Variants in ARHGAP10 observed in about 807,000 individuals in gnomAD.
ARHGAP10 encodes rho GTPase-activating protein 10.
A neutral mutation model predicts 108.6 loss-of-function variants in ARHGAP10; 87 were observed. The ratio of observed to expected loss-of-function variants is 0.80; its 90% confidence interval spans 0.67 to 0.96. The LOEUF is 0.96. ARHGAP10 is among the 40% of genes least tolerant of loss of function. The pLI is 0.00. For missense variants in ARHGAP10, 939 were observed against 954.5 expected (o/e 0.98, Z 0.21); for synonymous variants, 347 against 341.1 (o/e 1.02, Z -0.19).
rs777973362 is a variant in ARHGAP10, at chr4:147,866,672, G to GT, written c.598-33dup. On this transcript the variant is annotated intron_variant, in intron 6 of 22. Coordinates refer to ENST00000336498, the MANE Select transcript of ARHGAP10 (RefSeq NM_024605.4). ...TTATATGATTCTTTTTTTCTCCTGA[G>GT]TTTTTTTGTGCTAATATCTCTTTTC... 6 of 1,476,946 alleles carry GT rather than the reference G, an allele frequency of 4.1e-6. No homozygotes were observed. The African/African-American group carries it at 7.0e-5, about 17-fold the overall frequency. The allele number at this position is 1,476,946 out of a possible 1,614,324, so 91.5% of individuals were successfully genotyped here. A position where few individuals can be genotyped will look rare whatever the true frequency, so the allele number is the denominator to read the frequency against.
At chr4:147,855,679 A>G (rs903262969) in intron 4 of ARHGAP10, among the ~76,000 whole-genome samples, 9 of 141,628 alleles carry the variant, frequency 6.4e-5, no homozygotes, top group African/African-American at 1.6e-4. Context: ...ATATTGTCAG[A>G]TGGTTTTTTT....
intron 19 of ARHGAP10, among the ~76,000 whole-genome samples, chr4:148,032,351 T>G (rs1728190480): frequency 1.2e-5 from 1 of 84,030 alleles, no homozygotes; most frequent in African/African-American, 4.6e-5. Flanking sequence ...CCCCCCATAT[T>G]GTAGGCCAAA....
At chr4:147,829,319 C>CT (rs1175639317) in intron 3 of ARHGAP10, among the ~76,000 whole-genome samples, 2 of 152,058 alleles carry the variant, frequency 1.3e-5, no homozygotes, top group Non-Finnish European at 2.9e-5. Flanking sequence ...CCCCATCGTG[C>CT]TGGGATTACA....
At chr4:147,758,776 C>T (rs184546586) in intron 1 of ARHGAP10, among the ~76,000 whole-genome samples, 284 of 151,712 alleles carry the variant, frequency 1.9e-3, no homozygotes, top group African/African-American at 5.9e-3. Flanking sequence ...GTCAGGAGTT[C>T]GAGACCAGCG....
chr4:147,899,209 G>C (rs910652322), intron 10 of ARHGAP10, among the ~76,000 whole-genome samples: 1 of 152,120 alleles, frequency 6.6e-6, no homozygotes, highest in South Asian at 2.1e-4. Flanking sequence ...ACACCAGCCT[G>C]TGTTCTACCT....
At chr4:148,023,157 G>A (rs968359420) in intron 18 of ARHGAP10, 106 bp from the exon 19 acceptor site, 1 of 1,383,666 alleles carries the variant, frequency 7.2e-7, no homozygotes, top group Non-Finnish European at 9.9e-7. Context: ...GCTCTAGCCT[G>A]TCTTGAATGA....
chr4:148,032,945 T>C (rs1728218994), intron 19 of ARHGAP10, among the ~76,000 whole-genome samples: 1 of 152,170 alleles, frequency 6.6e-6, no homozygotes, highest in Admixed American at 6.5e-5. Context: ...TTCCAGCTGC[T>C]CTGGCAGCTG....
rs539172035 is a variant in ARHGAP10, at chr4:148,055,152, G to A, written c.2028-7996G>A. Among the ~76,000 whole-genome samples, 55 of 152,340 alleles carry A rather than the reference G, an allele frequency of 3.6e-4. 1 individual carries two copies. Among genetic ancestry groups the A allele is most frequent in the Middle Eastern group, 3.4e-3 (1 of 294 alleles). ...AGAGCAGTCAGAGATGTAATTCTGC[G>A]CCTGTTCTCTTACAGCAAAACCAAG... On this transcript the variant is annotated intron_variant, in intron 20 of 22. Coordinates refer to ENST00000336498, the MANE Select transcript of ARHGAP10 (RefSeq NM_024605.4).
At chr4:147,751,894 T>TG (rs1729167482) in intron 1 of ARHGAP10, among the ~76,000 whole-genome samples, 1 of 151,062 alleles carries the variant, frequency 6.6e-6, no homozygotes, top group African/African-American at 2.4e-5. Flanking sequence ...TTTTTTTTTT[T>TG]TTTTTTTTTT....
rs1415188267 is a variant in ARHGAP10, at chr4:147,732,112, T to C, written c.-190T>C. On this transcript the variant is annotated 5_prime_UTR_variant, in exon 1 of 23. Coordinates refer to ENST00000336498, the MANE Select transcript of ARHGAP10 (RefSeq NM_024605.4). ...TGGGGCGCCGCAGCTAGCGCTGGTC[T>C]CGGTGGCAGCTCCTCCGCGCCGCAG... 2.5e-6 allele frequency: 1 copy of C among 395,790 alleles called. No individual in the cohort carries two copies. Among genetic ancestry groups the C allele is most frequent in the African/African-American group, 2.1e-5 (1 of 46,904 alleles). 24.5% of individuals were successfully genotyped at this position (395,790 alleles called of 1,614,324 possible). A position where few individuals can be genotyped will look rare whatever the true frequency, so the allele number is the denominator to read the frequency against.
At chr4:147,889,295 A>G (rs1028446528) in intron 10 of ARHGAP10, among the ~76,000 whole-genome samples, 2 of 151,946 alleles carry the variant, frequency 1.3e-5, no homozygotes, top group East Asian at 1.9e-4. Context: ...CAAGGTTCGT[A>G]TTGGGTACCT....
intron 12 of ARHGAP10, among the ~76,000 whole-genome samples, chr4:147,911,604 C>T (rs1454765399): frequency 4.6e-5 from 7 of 150,588 alleles, no homozygotes; most frequent in Non-Finnish European, 7.4e-5. Context: ...CTTCGTGATC[C>T]GCCCACCTTG....
intron 3 of ARHGAP10, among the ~76,000 whole-genome samples, chr4:147,834,661 AAC>A (rs897818165): frequency 6.6e-6 from 1 of 151,286 alleles, no homozygotes; most frequent in Non-Finnish European, 1.5e-5. Context: ...CACACACACA[AAC>A]ACACAGACAC....
intron 1 of ARHGAP10, among the ~76,000 whole-genome samples, chr4:147,739,520 C>T (rs1285664402): frequency 6.6e-6 from 1 of 152,128 alleles, no homozygotes; most frequent in Non-Finnish European, 1.5e-5. Context: ...GGGTTTCTAG[C>T]GTCTGACATG....
chr4:148,052,748 T>G (rs1477272930), intron 20 of ARHGAP10, among the ~76,000 whole-genome samples: 1 of 152,090 alleles, frequency 6.6e-6, no homozygotes, highest in Non-Finnish European at 1.5e-5. Context: ...CATACCTAAG[T>G]AAACAGCAGG....
At chr4:147,925,899 G>A (rs2126941328) in intron 13 of ARHGAP10, among the ~76,000 whole-genome samples, 1 of 152,334 alleles carries the variant, frequency 6.6e-6, no homozygotes, top group East Asian at 1.9e-4. Context: ...TGTTATAGGA[G>A]GAAAAACTCT....
At chr4:147,974,168 C>T (rs1383558287) in intron 18 of ARHGAP10, among the ~76,000 whole-genome samples, 1 of 152,076 alleles carries the variant, frequency 6.6e-6, no homozygotes, top group East Asian at 1.9e-4. Context: ...GTTCTCTTTT[C>T]TCTACATCCT....
intron 1 of ARHGAP10, among the ~76,000 whole-genome samples, chr4:147,783,209 CATTAA>C (rs1350656462): frequency 7.0e-6 from 1 of 143,512 alleles, no homozygotes; most frequent in East Asian, 2.1e-4. Flanking sequence ...TTATATAACA[CATTAA>C]ATTATGTATT....
At chr4:147,997,293 A>G (rs1316777230) in intron 18 of ARHGAP10, among the ~76,000 whole-genome samples, 1 of 152,252 alleles carries the variant, frequency 6.6e-6, no homozygotes, top group African/African-American at 2.4e-5. Context: ...ATTTTGGAAG[A>G]AATAACTGAT....
Sources: allele counts gnomAD v4.1 joint callset (sites outside exome capture counted in the v4.1 genomes callset), GRCh38; gene constraint gnomAD v4.1.1; transcripts MANE v1.5; gene names NCBI Gene and HGNC (gene_info 2026-07-23, HGNC 2026-07-21).